SPDYE4: variants seen among roughly 807,000 people sequenced by gnomAD.
SPDYE4 encodes the protein speedy protein E4.
A neutral mutation model predicts 37.5 loss-of-function variants in SPDYE4; 30 were observed. The observed-to-expected ratio is 0.80, with a 90% confidence interval of 0.60 to 1.09. The LOEUF (loss-of-function observed/expected upper bound fraction) is 1.09, where lower values mean the gene tolerates loss of function less well. Among genes scored for constraint, SPDYE4 ranks in the 50% least tolerant of loss-of-function variants. The pLI is 0.00. For missense variants in SPDYE4, 300 were observed against 307.9 expected, an observed-to-expected ratio of 0.97 and a Z score of 0.19; for synonymous variants, 131 against 120.3, an observed-to-expected ratio of 1.09 and a Z score of -0.58.
chr17:8,750,255 G>A (rs533636538), downstream of SPDYE4, among the ~76,000 whole-genome samples: 57 of 152,254 alleles, frequency 3.7e-4, no homozygotes, highest in Non-Finnish European at 5.0e-4. Flanking sequence ...TGGGCGTGGT[G>A]GCAGGCGCCT....
chr17:8,757,539 A>G, intron 1 of SPDYE4, 47 bp from the exon 2 acceptor site: 1 of 1,574,898 alleles, frequency 6.3e-7, no homozygotes. Flanking sequence ...GCCATTGATC[A>G]CCTTAGACGC....
chr17:8,758,391 CCAAA>C lies in SPDYE4; in HGVS notation c.-13_-10del. On this transcript the variant is annotated 5_prime_UTR_variant, in exon 1 of 7. Coordinates refer to ENST00000689094, the MANE Select transcript of SPDYE4 (RefSeq NM_001394956.1). ...GCTTGACCACTGGCCATAATCTCTCCCAAACACTTTGTTTCTGTCCACAAAACCT... is the reference window on the plus strand; with the variant it reads ...GCTTGACCACTGGCCATAATCTCTCCCACTTTGTTTCTGTCCACAAAACCT... 2 of 1,550,874 alleles carry C rather than the reference CCAAA, an allele frequency of 1.3e-6. No individual in the cohort carries two copies. The highest frequency in any genetic ancestry group is 1.2e-5 in the South Asian group (1 of 84,044).
Position 8,758,361 on chromosome 17 carries a change from G to A in SPDYE4, c.22C>T (p.Pro8Ser). ...TGGGGGCTCTCCTCCTCAAACGGGG[G>A]GCGCGCTTGACCACTGGCCATAATC... is the stretch of plus-strand genomic sequence containing the variant. MASGQAR[P>S]PFEEESPQPS... Residue 8 changes from proline to serine, a missense_variant, in exon 1 of 7, where the codon CCC becomes TCC. Transcript: ENST00000689094. The A allele has an allele frequency of 6.4e-7, 1 of 1,551,192 alleles. No homozygotes were observed. Among genetic ancestry groups the A allele is most frequent in the Non-Finnish European group, 8.7e-7 (1 of 1,146,748 alleles).
Position 8,758,268 on chromosome 17 carries a change from C to T in SPDYE4, c.109+6G>A. On this transcript the variant is annotated splice_donor_region_variant and intron_variant, in intron 1 of 6. Transcript: ENST00000689094. The stretch of plus-strand genomic sequence containing the variant: ...CTCCCATCGCTTCTCCCTCCAGTCA[C>T]CTCACCTGATGGTCCTGGCACTTCA... 1 of 1,535,934 alleles carries T rather than the reference C, an allele frequency of 6.5e-7. No individual in the cohort carries two copies. Among genetic ancestry groups the T allele is most frequent in the South Asian group, 1.2e-5 (1 of 81,034 alleles).
intron 1 of SPDYE4, among the ~76,000 whole-genome samples, chr17:8,757,785 CTT>C (rs1555524402): frequency 3.7e-5 from 4 of 107,354 alleles, no homozygotes; most frequent in Non-Finnish European, 4.3e-5. Context: ...CTCTCTCTCT[CTT>C]TTTTTTTTTT....
chr17:8,756,191 C>G (rs1437993599), intron 3 of SPDYE4, among the ~76,000 whole-genome samples, 187 bp downstream of exon 3: 1 of 152,084 alleles, frequency 6.6e-6, no homozygotes, highest in Non-Finnish European at 1.5e-5. Context: ...TGCATTCCAG[C>G]CTGGGCAACA....
At chr17:8,757,150 G>A (rs983153923) in intron 2 of SPDYE4, 112 bp downstream of exon 2, 14 of 951,968 alleles carry the variant, frequency 1.5e-5, no homozygotes, top group African/African-American at 6.6e-5. Flanking sequence ...CCTGCATGGA[G>A]CGCTCATCCC....
At chr17:8,756,665 G>A (rs773765052) in intron 2 of SPDYE4, among the ~76,000 whole-genome samples, 2 of 152,190 alleles carry the variant, frequency 1.3e-5, no homozygotes, top group Non-Finnish European at 2.9e-5. Context: ...GAGTCTACAG[G>A]ATGAAGAGCT....
rs751622086 is a variant in SPDYE4 at position 8,753,155 on chromosome 17, G to C, written c.697C>G (p.Arg233Gly). The change falls in exon 6 of 7, where the codon CGC becomes GGC. Residue 233 changes from arginine to glycine, a missense_variant. Physicochemically the swap from Arg to Gly is moderately radical, Grantham distance 125 (BLOSUM62 -2). Transcript: ENST00000689094. ...CCGGAGCTCTAGGAAATGAGGGTGC[G>C]ATCTCGGGCCCACACCCAGTGCTCT... ...DPEHWVWARD[R>G]TLIS 1 of 1,613,984 alleles carries C rather than the reference G, an allele frequency of 6.2e-7. No individual in the cohort carries two copies. The highest frequency in any genetic ancestry group is 1.1e-5 in the South Asian group (1 of 91,076).
At chr17:8,753,596 C>G in intron 4 of SPDYE4, 107 bp from the exon 5 acceptor site, 1 of 1,335,032 alleles carries the variant, frequency 7.5e-7, no homozygotes, top group Non-Finnish European at 1.0e-6. Flanking sequence ...AGCTCAGCAC[C>G]AACAGCCGCC....
chr17:8,749,430 A>AT (rs1242371426), downstream of SPDYE4, among the ~76,000 whole-genome samples: 4 of 151,870 alleles, frequency 2.6e-5, no homozygotes, highest in Non-Finnish European at 5.9e-5. Flanking sequence ...TGCCCGGCTA[A>AT]TTTTTTGTAT....
In SPDYE4 at chr17:8,751,411, T is replaced by C. The variant is rs1246317719; in HGVS notation, c.*871A>G. 6.6e-6 allele frequency among the ~76,000 whole-genome samples: 1 copy of C among 152,202 alleles called. No homozygotes were observed. The highest frequency in any genetic ancestry group is 2.4e-5 in the African/African-American group (1 of 41,448). On this transcript the variant is annotated 3_prime_UTR_variant, in exon 7 of 7. Coordinates refer to ENST00000689094, the MANE Select transcript of SPDYE4 (RefSeq NM_001394956.1). ...TATATATTGGACATGTTAGTATATA[T>C]GGAAGGCATGTTAAAAATCACAACT...
downstream of SPDYE4, among the ~76,000 whole-genome samples, chr17:8,749,979 C>T (rs79193749): frequency 6.6e-6 from 1 of 152,130 alleles, no homozygotes; most frequent in Non-Finnish European, 1.5e-5. Context: ...CACTTTGCAA[C>T]CTCCTACTCC....
rs1651129902 is a variant in SPDYE4, at chr17:8,751,242, G to T, written c.*1040C>A. Among the ~76,000 whole-genome samples the T allele has an allele frequency of 6.6e-6, 1 of 152,166 alleles. No homozygotes were observed. Among genetic ancestry groups the T allele is most frequent in the African/African-American group, 2.4e-5 (1 of 41,434 alleles). ...AAAATGAAAACAGAATTATATCTAT[G>T]TGTATATAACAGGTGTAACACCCAT... is the stretch of plus-strand genomic sequence containing the variant. On this transcript the variant is annotated 3_prime_UTR_variant, in exon 7 of 7. Coordinates refer to ENST00000689094, the MANE Select transcript of SPDYE4 (RefSeq NM_001394956.1).
intron 4 of SPDYE4, among the ~76,000 whole-genome samples, chr17:8,753,692 T>C (rs2086749664): frequency 6.6e-6 from 1 of 152,068 alleles, no homozygotes; most frequent in Non-Finnish European, 1.5e-5. Flanking sequence ...AAGGAGATGA[T>C]CCAAGTGGTA....
downstream of SPDYE4, among the ~76,000 whole-genome samples, chr17:8,748,919 AC>A (rs1489312091): frequency 1.3e-5 from 2 of 152,188 alleles, no homozygotes; most frequent in Admixed American, 6.5e-5. Context: ...AGCCAGTCAC[AC>A]AGGCAGATTC....
intron 4 of SPDYE4, 83 bp from the exon 5 acceptor site, chr17:8,753,572 A>T: frequency 6.6e-7 from 1 of 1,526,564 alleles, no homozygotes; most frequent in Non-Finnish European, 8.9e-7. Flanking sequence ...AGAGGAGGGC[A>T]GGGGACCTTC....
At chr17:8,752,538 T>C (rs935431864) in intron 6 of SPDYE4, among the ~76,000 whole-genome samples, 4 of 151,334 alleles carry the variant, frequency 2.6e-5, no homozygotes, top group Non-Finnish European at 5.9e-5. Flanking sequence ...AGGACGTGGC[T>C]TTGGACTTCA....
At chr17:8,749,474 G>T (rs554885314), downstream of SPDYE4, among the ~76,000 whole-genome samples, 4 of 152,232 alleles carry the variant, frequency 2.6e-5, no homozygotes, top group South Asian at 8.3e-4. Context: ...CACCATGTCA[G>T]CCAGGATGGT....
Sources: allele counts gnomAD v4.1 joint callset (sites outside exome capture counted in the v4.1 genomes callset), GRCh38; gene constraint gnomAD v4.1.1; transcripts MANE v1.5; gene names NCBI Gene and HGNC (gene_info 2026-07-23, HGNC 2026-07-21).